SNX5: variants seen among roughly 807,000 people sequenced by gnomAD.
SNX5 encodes sorting nexin 5, also known as sorting nexin-5.
A neutral mutation model predicts 53.9 loss-of-function variants in SNX5; 31 were observed. That is an observed-to-expected ratio of 0.58 (90% CI 0.43 to 0.78). The LOEUF is 0.78. SNX5 is among the 30% of genes least tolerant of loss of function. The probability of loss-of-function intolerance (pLI) is 0.00; values close to 1 mark genes in which losing one functional copy is unlikely to be tolerated. For missense variants in SNX5, 471 were observed against 478.8 expected (o/e 0.98, Z 0.15); for synonymous variants, 168 against 171.1 (o/e 0.98, Z 0.14).
intron 12 of SNX5, 199 bp downstream of exon 12, chr20:17,942,911 A>AGGG: frequency 1.1e-5 from 5 of 458,968 alleles, no homozygotes; most frequent in Non-Finnish European, 1.6e-5. Flanking sequence ...AAAAAAAAAA[A>AGGG]AGTTGCTAAA....
chr20:17,968,616 G>A lies in SNX5; in HGVS notation c.-191C>T. 1.6e-6 allele frequency: 1 copy of A among 628,614 alleles called. No individual in the cohort carries two copies. Among genetic ancestry groups the A allele is most frequent in the East Asian group, 3.6e-5 (1 of 27,592 alleles). The allele number at this position is 628,614 out of a possible 1,614,324, so 38.9% of individuals were successfully genotyped here. A position where few individuals can be genotyped will look rare whatever the true frequency, so the allele number is the denominator to read the frequency against. On this transcript the variant is annotated 5_prime_UTR_variant, in exon 1 of 13. Coordinates refer to ENST00000377759, the MANE Select transcript of SNX5 (RefSeq NM_014426.4). ...GCTGCCCCGGGAGCAGGCGAGCAGG[G>A]CGCCACGTGCTCCCCCAGAGCAGCC...
intron 1 of SNX5, among the ~76,000 whole-genome samples, chr20:17,965,818 G>C (rs1024547640): frequency 2.0e-5 from 3 of 152,168 alleles, no homozygotes; most frequent in African/African-American, 7.2e-5. Context: ...TGGGAAGCTT[G>C]ATACGTCATA....
Position 17,956,934 on chromosome 20 carries a change from T to C in SNX5, c.155A>G (p.Lys52Arg). The change falls in exon 2 of 13, where the codon AAG (lysine) becomes AGG (arginine). Residue 52 changes from lysine (K) to arginine (R), a missense_variant and splice_region_variant. Transcript: ENST00000377759. ...RDKVKFTVHT[K>R]TTLPTFQSPE... Reference sequence around the variant, plus strand: ...GTATTACCACTGCATGTTACTTACCTTTGTGTGCACTGTAAATTTGACTTT... The same window carrying C: ...GTATTACCACTGCATGTTACTTACCCTTGTGTGCACTGTAAATTTGACTTT... 2 of 1,520,120 alleles carry C rather than the reference T, an allele frequency of 1.3e-6. No individual in the cohort carries two copies. The highest frequency in any genetic ancestry group is 1.8e-6 in the Non-Finnish European group (2 of 1,095,222). The allele number at this position is 1,520,120 out of a possible 1,614,324, so 94.2% of individuals were successfully genotyped here. A position where few individuals can be genotyped will look rare whatever the true frequency, so the allele number is the denominator to read the frequency against.
chr20:17,963,879 T>C (rs1168832270), intron 1 of SNX5, among the ~76,000 whole-genome samples: 1 of 148,520 alleles, frequency 6.7e-6, no homozygotes, highest in Non-Finnish European at 1.5e-5. Context: ...GAGAGCAGGC[T>C]GCCCGCTTTT....
At chr20:17,958,032 G>T (rs550751234) in intron 1 of SNX5, among the ~76,000 whole-genome samples, 1 of 147,666 alleles carries the variant, frequency 6.8e-6, no homozygotes, top group Admixed American at 6.7e-5. Context: ...AGAGAGGAGA[G>T]AACAGTGGCA....
At chr20:17,967,806 C>A in intron 1 of SNX5, 2 of 358,222 alleles carry the variant, frequency 5.6e-6, no homozygotes, top group Non-Finnish European at 9.9e-6. Flanking sequence ...AAAATAGACA[C>A]CAAGTTCAGC....
At chr20:17,966,762 G>C (rs1292589333) in intron 1 of SNX5, among the ~76,000 whole-genome samples, 4 of 152,108 alleles carry the variant, frequency 2.6e-5, no homozygotes. Context: ...CATTTCAGTT[G>C]ACTACCGAAA....
intron 1 of SNX5, chr20:17,967,921 G>A (rs2035579938): frequency 5.1e-6 from 2 of 394,428 alleles, no homozygotes; most frequent in Non-Finnish European, 4.4e-6. Flanking sequence ...AATTTCCCAA[G>A]TTGTTTGGGC....
At chr20:17,960,496 AGGT>A (rs1214071671) in intron 1 of SNX5, among the ~76,000 whole-genome samples, 1 of 152,226 alleles carries the variant, frequency 6.6e-6, no homozygotes, top group Non-Finnish European at 1.5e-5. Context: ...CAGGAGGCTG[AGGT>A]AGGAGAATCG....
chr20:17,966,403 A>C (rs888876679), intron 1 of SNX5, among the ~76,000 whole-genome samples: 36 of 151,964 alleles, frequency 2.4e-4, no homozygotes, highest in African/African-American at 8.7e-4. Flanking sequence ...AAAAAAAATC[A>C]AAAACCAGTA....
Position 17,950,208 on chromosome 20 carries a change from C to G in SNX5, c.716-1G>C, listed in dbSNP as rs2039546307. On this transcript the variant is annotated splice_acceptor_variant, in intron 7 of 12. Transcript: ENST00000377759. LOFTEE classifies it high-confidence loss of function. ...GTGTGGATATAGTCATCGGCAACAT[C>G]TGCAGAAACAAGGACAAGTCTTTTT... is the stretch of plus-strand genomic sequence containing the variant. The G allele has an allele frequency of 1.2e-6, 2 of 1,614,086 alleles. No individual in the cohort carries two copies. The highest frequency in any genetic ancestry group is 1.7e-5 in the Admixed American group (1 of 60,014).
At chr20:17,962,645 C>T (rs1048068802) in intron 1 of SNX5, 15 of 439,928 alleles carry the variant, frequency 3.4e-5, no homozygotes, top group Non-Finnish European at 6.4e-5. Context: ...AGTCTACTAA[C>T]ATAGCTAATA....
rs188380397 is a variant in SNX5, at chr20:17,953,870, C to T, written c.389+126G>A. On this transcript the variant is annotated intron_variant, in intron 4 of 12. Coordinates refer to ENST00000377759, the MANE Select transcript of SNX5 (RefSeq NM_014426.4). The stretch of plus-strand genomic sequence containing the variant: ...ATGTATTACTAGTTTTAGAAAACGA[C>T]GCTAGGGACCTAATTAAACAGCTGC... 6.6e-4 allele frequency: 493 copies of T among 751,632 alleles called. 4 individuals are homozygous for T. The South Asian group carries it at 7.0e-3, about 11-fold the overall frequency. The allele number at this position is 751,632 out of a possible 1,614,324, so 46.6% of individuals were successfully genotyped here.
chr20:17,954,295 A>C lies in SNX5; in HGVS notation c.268-178T>G, dbSNP rs539169464. The C allele has an allele frequency of 2.3e-4, 214 of 950,648 alleles. 2 individuals are homozygous for C. In the South Asian group the frequency reaches 3.7e-3, roughly 16 times the overall value. 58.9% of individuals were successfully genotyped at this position (950,648 alleles called of 1,614,324 possible). A position where few individuals can be genotyped will look rare whatever the true frequency, so the allele number is the denominator to read the frequency against. On this transcript the variant is annotated intron_variant, in intron 3 of 12. Coordinates refer to ENST00000377759, the MANE Select transcript of SNX5 (RefSeq NM_014426.4). ...TTAACTCTTCTGGACATTTAAAATG[A>C]GGTGTCTTCCTGAGAGTTGCATATT...
chr20:17,961,089 A>G, intron 1 of SNX5: 2 of 968,818 alleles, frequency 2.1e-6, no homozygotes, highest in Non-Finnish European at 2.5e-6. Context: ...GAGCCAAGGC[A>G]CTTCCCTAAA....
chr20:17,947,258 T>C, intron 11 of SNX5: 1 of 490,946 alleles, frequency 2.0e-6, no homozygotes, highest in Non-Finnish European at 3.6e-6. Context: ...AAAAGAAGCA[T>C]GACATATGCA....
At chr20:17,966,640 C>T (rs1206572479) in intron 1 of SNX5, among the ~76,000 whole-genome samples, 1 of 152,186 alleles carries the variant, frequency 6.6e-6, no homozygotes, top group East Asian at 1.9e-4. Flanking sequence ...TGTCCCCCTA[C>T]CTTAGTGAGT....
At position 17,949,149 on chromosome 20, in the gene SNX5, T is replaced by TA. The variant is rs777775229; in HGVS notation, c.792-47dup. ...TTGGTTTAAGGTCTTAAATCATCTA[T>TA]AAAACATGATCTTACCAGTGTGCAA... is the stretch of plus-strand genomic sequence containing the variant. On this transcript the variant is annotated intron_variant, in intron 8 of 12. Transcript: ENST00000377759. 15 of 1,507,368 alleles carry TA rather than the reference T, an allele frequency of 1.0e-5. No homozygotes were observed. In the South Asian group the frequency reaches 1.5e-4, roughly 15 times the overall value. 93.4% of individuals were successfully genotyped at this position (1,507,368 alleles called of 1,614,324 possible). A position where few individuals can be genotyped will look rare whatever the true frequency, so the allele number is the denominator to read the frequency against.
chr20:17,965,227 G>T (rs1178418914), intron 1 of SNX5, among the ~76,000 whole-genome samples: 1 of 152,136 alleles, frequency 6.6e-6, no homozygotes, highest in Non-Finnish European at 1.5e-5. Flanking sequence ...AGGGGAGGAG[G>T]CCGCGTCCTA....
Sources: gnomAD v4.1 joint callset for allele counts (sites outside exome capture counted in the v4.1 genomes callset) on GRCh38, gnomAD v4.1.1 for gene constraint, MANE v1.5 for transcripts, NCBI Gene and HGNC (gene_info 2026-07-23, HGNC 2026-07-21) for gene names.